Variants in TBX15 observed in about 807,000 individuals in gnomAD.
TBX15 encodes T-box transcription factor 15.
In TBX15, 18 loss-of-function variants were observed where a neutral mutation model predicts 53.9. The observed-to-expected ratio is 0.33, with a 90% CI of 0.23 to 0.49. The LOEUF (loss-of-function observed/expected upper bound fraction) is 0.49, where lower values mean the gene tolerates loss of function less well. Ranked by LOEUF, TBX15 falls within the 20% of genes least tolerant of loss-of-function variation. The pLI, the probability that TBX15 is intolerant of heterozygous loss-of-function variation, is 0.98. For synonymous variants in TBX15, 295 were observed against 278.0 expected, an observed-to-expected ratio of 1.06 and a Z score of -0.61; for missense variants, 692 against 749.5, an observed-to-expected ratio of 0.92 and a Z score of 0.90.
At chr1:118,967,729 G>A (rs1164508376) in intron 1 of TBX15, among the ~76,000 whole-genome samples, 1 of 152,172 alleles carries the variant, frequency 6.6e-6, no homozygotes, top group African/African-American at 2.4e-5. Context: ...TGCAAATGTT[G>A]AGCATAGCTC....
At chr1:118,931,858 G>A (rs942604692) in intron 1 of TBX15, 26 bp from the exon 2 acceptor site, 5 of 1,551,106 alleles carry the variant, frequency 3.2e-6, no homozygotes, top group Non-Finnish European at 3.5e-6. Context: ...TCAAGCCTTA[G>A]GTGAGAAACT....
intron 6 of TBX15, among the ~76,000 whole-genome samples, chr1:118,906,738 C>T (rs1654843652): frequency 6.6e-6 from 1 of 152,176 alleles, no homozygotes; most frequent in Non-Finnish European, 1.5e-5. Flanking sequence ...CAGTGAGTGG[C>T]ACCAGTCTTA....
intron 6 of TBX15, among the ~76,000 whole-genome samples, chr1:118,910,408 TTTGTTGTTGTTG>T: frequency 6.6e-6 from 1 of 151,396 alleles, no homozygotes; most frequent in Non-Finnish European, 1.5e-5. Flanking sequence ...TTACAAGATT[TTTGTTGTTGTTG>T]TTGTTGTTGT....
intron 7 of TBX15, among the ~76,000 whole-genome samples, chr1:118,888,313 T>C (rs1343363108): frequency 6.6e-6 from 1 of 152,188 alleles, no homozygotes; most frequent in Non-Finnish European, 1.5e-5. Context: ...TCTCAGCATA[T>C]CTGTAACTGA....
chr1:118,973,897 T>C (rs1485033005), intron 1 of TBX15, among the ~76,000 whole-genome samples: 2 of 152,320 alleles, frequency 1.3e-5, no homozygotes, highest in South Asian at 4.1e-4. Flanking sequence ...CCAGTCAGAA[T>C]ATCACAGAGA....
At chr1:118,983,643 C>CCTCGCTT (rs1344458648) in intron 1 of TBX15, among the ~76,000 whole-genome samples, 2 of 152,230 alleles carry the variant, frequency 1.3e-5, no homozygotes, top group East Asian at 3.9e-4. Flanking sequence ...GAGTACCTTG[C>CCTCGCTT]GTAAGTCCAC....
At chr1:118,908,377 CAAAA>C (rs66887595) in intron 6 of TBX15, among the ~76,000 whole-genome samples, 3 of 132,268 alleles carry the variant, frequency 2.3e-5, no homozygotes, top group African/African-American at 2.8e-5. Context: ...AGCACAAGAC[CAAAA>C]AAAAAAAAAA....
At chr1:118,889,382 T>C (rs1654058656) in intron 7 of TBX15, among the ~76,000 whole-genome samples, 1 of 152,186 alleles carries the variant, frequency 6.6e-6, no homozygotes, top group African/African-American at 2.4e-5. Context: ...TCTTTGATCA[T>C]TTACAACACT....
At chr1:118,981,659 TC>T (rs1230946464) in intron 1 of TBX15, among the ~76,000 whole-genome samples, 2 of 152,234 alleles carry the variant, frequency 1.3e-5, no homozygotes, top group African/African-American at 4.8e-5. Context: ...TGTTGATTGG[TC>T]CTCACCAGTT....
At chr1:118,940,473 C>T (rs1392950537) in intron 1 of TBX15, among the ~76,000 whole-genome samples, 2 of 151,808 alleles carry the variant, frequency 1.3e-5, no homozygotes, top group East Asian at 1.9e-4. Context: ...GATGTTTGGG[C>T]TTTGAGAAAT....
At chr1:118,979,998 C>A (rs1226260832) in intron 1 of TBX15, among the ~76,000 whole-genome samples, 1 of 152,154 alleles carries the variant, frequency 6.6e-6, no homozygotes, top group African/African-American at 2.4e-5. Flanking sequence ...GGGCCGAGGG[C>A]GGGCAGACGC....
chr1:118,971,661 A>G (rs1657239756), intron 1 of TBX15, among the ~76,000 whole-genome samples: 1 of 152,246 alleles, frequency 6.6e-6, no homozygotes, highest in South Asian at 2.1e-4. Context: ...TTCATCTACG[A>G]CCAATTCTAA....
intron 6 of TBX15, among the ~76,000 whole-genome samples, chr1:118,908,267 C>A (rs1454534837): frequency 6.6e-6 from 1 of 151,436 alleles, no homozygotes; most frequent in African/African-American, 2.4e-5. Flanking sequence ...CTATTCCTGG[C>A]ACCATGGAAA....
chr1:118,961,898 G>A (rs957213795), intron 1 of TBX15, among the ~76,000 whole-genome samples: 2 of 152,134 alleles, frequency 1.3e-5, no homozygotes, highest in African/African-American at 4.8e-5. Context: ...GACAGGCTAT[G>A]GTACCTATTG....
chr1:118,975,269 C>T (rs1385880513), intron 1 of TBX15, among the ~76,000 whole-genome samples: 5 of 152,148 alleles, frequency 3.3e-5, no homozygotes, highest in Non-Finnish European at 7.4e-5. Context: ...GAAAACAACC[C>T]TATATCACTG....
At chr1:118,931,591 C>T (rs1557888967) in intron 2 of TBX15, 28 bp downstream of exon 2, 1 of 1,610,906 alleles carries the variant, frequency 6.2e-7, no homozygotes, top group East Asian at 2.2e-5. Flanking sequence ...TTCTTTGAAT[C>T]TGGCCACTCA....
chr1:118,966,539 G>T (rs2101689960), intron 1 of TBX15, among the ~76,000 whole-genome samples: 1 of 152,292 alleles, frequency 6.6e-6, no homozygotes, highest in South Asian at 2.1e-4. Flanking sequence ...TATTCGGCCT[G>T]CCTCCAGCAC....
At chr1:118,954,672 G>A (rs561953540) in intron 1 of TBX15, among the ~76,000 whole-genome samples, 14 of 152,244 alleles carry the variant, frequency 9.2e-5, no homozygotes, top group Non-Finnish European at 1.5e-5. Flanking sequence ...AACTGCTTTC[G>A]GGAAAATCTG....
At position 118,923,430 on chromosome 1, in the gene TBX15, T is replaced by C. The variant is rs370064454; in HGVS notation, c.861+6A>G. 7 of 1,613,680 alleles carry C rather than the reference T, an allele frequency of 4.3e-6. No individual in the cohort carries two copies. The highest frequency in any genetic ancestry group is 1.3e-5 in the African/African-American group (1 of 74,908). On this transcript the variant is annotated splice_donor_region_variant and intron_variant, in intron 5 of 7. Transcript: ENST00000369429. ...TAGCAGAAGACTCTCAAGGGCCACC[T>C]CTTACCTGCTGATTCTGATAGGCCG...
Sources: gnomAD v4.1 joint callset for allele counts (sites outside exome capture counted in the v4.1 genomes callset) on GRCh38, gnomAD v4.1.1 for gene constraint, MANE v1.5 for transcripts, NCBI Gene and HGNC (gene_info 2026-07-23, HGNC 2026-07-21) for gene names.